Variants in CPNE8 observed in about 807,000 individuals in gnomAD.
CPNE8 encodes copine 8, also known as copine-8.
A neutral mutation model predicts 81.5 loss-of-function variants in CPNE8; 45 were observed. That is an observed-to-expected ratio of 0.55 (90% confidence interval 0.44 to 0.71). The LOEUF (loss-of-function observed/expected upper bound fraction) is 0.71. Among genes scored for constraint, CPNE8 ranks in the 30% least tolerant of loss-of-function variants. CPNE8 has a pLI of 0.00. For synonymous variants in CPNE8, 252 were observed against 226.3 expected, an observed-to-expected ratio of 1.11 and a Z score of -1.02; for missense variants, 594 against 672.1, an observed-to-expected ratio of 0.88 and a Z score of 1.28.
chr12:38,820,055 G>T (rs772367872), intron 6 of CPNE8, among the ~76,000 whole-genome samples: 3 of 152,116 alleles, frequency 2.0e-5, no homozygotes, highest in Non-Finnish European at 2.9e-5. Context: ...TTCTCTGAAA[G>T]ATTTTATCAC....
chr12:38,734,705 A>C (rs1334847264), intron 10 of CPNE8, among the ~76,000 whole-genome samples: 3 of 152,052 alleles, frequency 2.0e-5, no homozygotes, highest in Admixed American at 2.0e-4. Context: ...CAACCAGAGA[A>C]TTCATTTAAT....
chr12:38,865,864 A>G (rs923087921), intron 3 of CPNE8, among the ~76,000 whole-genome samples: 3 of 152,228 alleles, frequency 2.0e-5, no homozygotes, highest in Admixed American at 6.5e-5. Context: ...ATACTTGTTC[A>G]ATTGAACACA....
chr12:38,655,439 T>A (rs1054251894), intron 19 of CPNE8, among the ~76,000 whole-genome samples: 1 of 152,160 alleles, frequency 6.6e-6, no homozygotes, highest in Non-Finnish European at 1.5e-5. Context: ...CACAGTAATT[T>A]TTGGTCTTCA....
intron 19 of CPNE8, among the ~76,000 whole-genome samples, chr12:38,654,593 CA>C (rs1938777788): frequency 6.6e-6 from 1 of 151,130 alleles, no homozygotes; most frequent in African/African-American, 2.4e-5. Context: ...TGCTTTATCT[CA>C]AAAGGAATGC....
intron 13 of CPNE8, among the ~76,000 whole-genome samples, chr12:38,704,195 C>T (rs1287683753): frequency 3.3e-5 from 5 of 152,102 alleles, no homozygotes; most frequent in Non-Finnish European, 7.4e-5. Flanking sequence ...TAACCTTAAC[C>T]TCAGCATCAC....
At chr12:38,766,830 T>A (rs1358903451) in intron 8 of CPNE8, among the ~76,000 whole-genome samples, 1 of 152,140 alleles carries the variant, frequency 6.6e-6, no homozygotes, top group African/African-American at 2.4e-5. Flanking sequence ...GTTCTTCTTA[T>A]GTGTTGGACA....
At chr12:38,777,611 G>T (rs920213648) in intron 6 of CPNE8, among the ~76,000 whole-genome samples, 25 of 152,038 alleles carry the variant, frequency 1.6e-4, no homozygotes, top group Admixed American at 8.5e-4. Flanking sequence ...TTCATTCATG[G>T]TAAGTACCCT....
chr12:38,717,796 C>T (rs1297582649), intron 13 of CPNE8, among the ~76,000 whole-genome samples: 2 of 151,252 alleles, frequency 1.3e-5, no homozygotes, highest in East Asian at 3.9e-4. Flanking sequence ...CCACCTGTAC[C>T]CCCCAAAAAA....
rs539316687 is a variant in CPNE8, at chr12:38,882,501, T to C, written c.99-7990A>G. ...TTTCTGTTCTTTTAAGCCAACAAGG[T>C]TGTGGCAATTTATTATAACAGCCAC... On this transcript the variant is annotated intron_variant, in intron 1 of 19. Transcript: ENST00000331366. Among the ~76,000 whole-genome samples, 12 of 152,296 alleles carry C rather than the reference T, an allele frequency of 7.9e-5. No homozygotes were observed. The East Asian group carries it at 1.7e-3, about 22-fold the overall frequency.
Position 38,829,383 on chromosome 12 carries a change from T to C in CPNE8, c.403A>G (p.Ile135Val), listed in dbSNP as rs773604055. Residue 135 changes from isoleucine to valine, a missense_variant, in exon 6 of 20, where the codon ATA (isoleucine) becomes GTA (valine). By Grantham distance (29) the Ile-to-Val change is conservative (BLOSUM62 3). Transcript: ENST00000331366. The stretch of plus-strand genomic sequence containing the variant: ...TCTGAATTAAAAAATACTTACACTA[T>C]TGGTTTTTCCAGGCGACTTCCCTGT... Reference protein sequence around the residue: ...GSQGSRLEKPIVGIPGKKCGT... With the variant: ...GSQGSRLEKPVVGIPGKKCGT... 9.3e-6 allele frequency: 15 copies of C among 1,604,866 alleles called. No individual in the cohort carries two copies. Among genetic ancestry groups the C allele is most frequent in the East Asian group, 2.2e-5 (1 of 44,820 alleles).
intron 3 of CPNE8, among the ~76,000 whole-genome samples, chr12:38,861,547 A>G (rs1357101526): frequency 6.6e-6 from 1 of 152,166 alleles, no homozygotes; most frequent in East Asian, 1.9e-4. Context: ...AGTACTTAAT[A>G]TTATTTAAAA....
chr12:38,803,303 T>C lies in CPNE8; in HGVS notation c.407+26076A>G, dbSNP rs972244258. Among the ~76,000 whole-genome samples, 105 of 65,952 alleles carry C rather than the reference T, an allele frequency of 1.6e-3. 6 individuals are homozygous for C. The highest frequency in any genetic ancestry group is 3.7e-3 in the African/African-American group (100 of 27,006). The allele number at this position is 65,952 out of a possible 152,430, so 43.3% of individuals were successfully genotyped here. Reference sequence around the variant, plus strand: ...ATCCAGCAGCACATCAAAAAGGTTATCCACCATGATCAAGTGGGCTTCATC... The same window carrying C: ...ATCCAGCAGCACATCAAAAAGGTTACCCACCATGATCAAGTGGGCTTCATC... On this transcript the variant is annotated intron_variant, in intron 6 of 19. Transcript: ENST00000331366.
At position 38,848,549 on chromosome 12, in the gene CPNE8, T is replaced by A; in HGVS notation, c.290+10A>T. On this transcript the variant is annotated intron_variant, in intron 4 of 19. Transcript: ENST00000331366. The stretch of plus-strand genomic sequence containing the variant: ...AAATTTTTCTAAACGCAAGTTTTAG[T>A]AGAACTTACAAGTCAAAACGAAGAT... 6.4e-7 allele frequency: 1 copy of A among 1,561,390 alleles called. No homozygotes were observed.
chr12:38,685,757 CA>C (rs3834473), intron 15 of CPNE8, 140 bp from the exon 16 acceptor site: 3 of 702,456 alleles, frequency 4.3e-6, no homozygotes, highest in South Asian at 2.1e-5. Flanking sequence ...TTTACAATAG[CA>C]AAAAAATAAT....
intron 16 of CPNE8, among the ~76,000 whole-genome samples, chr12:38,682,333 G>A (rs1015870511): frequency 6.6e-5 from 10 of 152,164 alleles, no homozygotes; most frequent in African/African-American, 1.7e-4. Flanking sequence ...CAAGGCGGGC[G>A]GATCGCCTGA....
At chr12:38,814,956 A>G (rs909310930) in intron 6 of CPNE8, among the ~76,000 whole-genome samples, 1 of 152,208 alleles carries the variant, frequency 6.6e-6, no homozygotes, top group Non-Finnish European at 1.5e-5. Context: ...AGTTAGCCAC[A>G]TAAGACCTGC....
chr12:38,674,348 G>C (rs1395129152), intron 18 of CPNE8, among the ~76,000 whole-genome samples: 2 of 152,132 alleles, frequency 1.3e-5, no homozygotes, highest in East Asian at 1.9e-4. Flanking sequence ...ACTTCCATAG[G>C]AGTCTGAGAG....
At chr12:38,666,408 A>G (rs1315756762) in intron 19 of CPNE8, among the ~76,000 whole-genome samples, 1 of 152,154 alleles carries the variant, frequency 6.6e-6, no homozygotes, top group African/African-American at 2.4e-5. Flanking sequence ...TCTTATCTGT[A>G]AATAACTATG....
chr12:38,830,705 T>A (rs546032660), intron 5 of CPNE8, among the ~76,000 whole-genome samples: 1 of 152,246 alleles, frequency 6.6e-6, no homozygotes, highest in Non-Finnish European at 1.5e-5. Flanking sequence ...ATCTATTTAG[T>A]TTAGTAGTTT....
Sources: allele counts gnomAD v4.1 joint callset (sites outside exome capture counted in the v4.1 genomes callset), GRCh38; gene constraint gnomAD v4.1.1; transcripts MANE v1.5; gene names NCBI Gene and HGNC (gene_info 2026-07-23, HGNC 2026-07-21).